Variants in SPTBN1 observed in about 807,000 individuals in gnomAD.
SPTBN1 encodes the protein spectrin beta, non-erythrocytic 1.
A neutral mutation model predicts 266.4 loss-of-function variants in SPTBN1; 32 were observed. The observed-to-expected ratio is 0.12, with a 90% CI of 0.09 to 0.16. The LOEUF (loss-of-function observed/expected upper bound fraction) is 0.16. Ranked by LOEUF, SPTBN1 falls within the 10% of genes least tolerant of loss-of-function variation. SPTBN1 has a pLI of 1.00. For synonymous variants in SPTBN1, 1,336 were observed against 1,162.2 expected, an observed-to-expected ratio of 1.15 and a Z score of -3.04; for missense variants, 2,296 against 3,067.1, an observed-to-expected ratio of 0.75 and a Z score of 5.94.
intron 2 of SPTBN1, among the ~76,000 whole-genome samples, chr2:54,595,074 T>A (rs1439122467): frequency 6.6e-6 from 1 of 152,106 alleles, no homozygotes; most frequent in Admixed American, 6.5e-5. Context: ...CCTCAGGAGA[T>A]CCACCTCTCA....
At chr2:54,595,285 C>T (rs566163307) in intron 2 of SPTBN1, among the ~76,000 whole-genome samples, 4 of 152,276 alleles carry the variant, frequency 2.6e-5, no homozygotes, top group South Asian at 2.1e-4. Context: ...CCTTATAATA[C>T]GTAAGCTTAG....
At chr2:54,574,002 G>A (rs925656292) in intron 2 of SPTBN1, among the ~76,000 whole-genome samples, 2 of 152,078 alleles carry the variant, frequency 1.3e-5, no homozygotes, top group African/African-American at 4.8e-5. Context: ...AACCCCGTAT[G>A]GAAAATACAA....
chr2:54,577,740 C>T (rs1230488929), intron 2 of SPTBN1, among the ~76,000 whole-genome samples: 1 of 152,202 alleles, frequency 6.6e-6, no homozygotes, highest in Non-Finnish European at 1.5e-5. Context: ...GGATTCCAAC[C>T]CACGCAGTGC....
chr2:54,457,544 G>A (rs374362494), intron 1 of SPTBN1, among the ~76,000 whole-genome samples: 1 of 152,180 alleles, frequency 6.6e-6, no homozygotes, highest in Non-Finnish European at 1.5e-5. Flanking sequence ...AATTGAATTC[G>A]GTGGGGTTTA....
intron 2 of SPTBN1, among the ~76,000 whole-genome samples, chr2:54,572,948 C>T (rs936639513): frequency 6.6e-6 from 1 of 152,116 alleles, no homozygotes; most frequent in African/African-American, 2.4e-5. Flanking sequence ...GGAAGGGGCT[C>T]TAGAAGCTGA....
chr2:54,558,701 T>C lies in SPTBN1; in HGVS notation c.148+32135T>C. ...AGGAGCCGAGCGCTGCGGAGGCTGC[T>C]GCGTGTTGGATGGGAGTGGGAGGGG... On this transcript the variant is annotated intron_variant, in intron 2 of 35. Coordinates refer to ENST00000356805, the MANE Select transcript of SPTBN1 (RefSeq NM_003128.3). This position sits in a 1 kb window ranked among gnomAD's most constrained non-coding sequence, Gnocchi z 4.6. The C allele has an allele frequency of 6.4e-7, 1 of 1,555,084 alleles. No homozygotes were observed. The highest frequency in any genetic ancestry group is 8.7e-7 in the Non-Finnish European group (1 of 1,145,878).
At chr2:54,470,163 G>A (rs1693849304) in intron 1 of SPTBN1, among the ~76,000 whole-genome samples, 1 of 152,216 alleles carries the variant, frequency 6.6e-6, no homozygotes, top group African/African-American at 2.4e-5. Flanking sequence ...TTCATAAAAG[G>A]TAAAAGTTTA....
chr2:54,623,546 CAGA>C lies in SPTBN1; in HGVS notation c.1135_1137del (p.Lys379del). On this transcript the variant is annotated inframe_deletion, in exon 10 of 36. Coordinates refer to ENST00000356805, the MANE Select transcript of SPTBN1 (RefSeq NM_003128.3). ...TCAGAGCAAGATGAGGGCCAACAAC[CAGA>C]AGGTCTACATGCCCCGGGAGGGGAA... is the stretch of plus-strand genomic sequence containing the variant. 1 of 1,614,176 alleles carries C rather than the reference CAGA, an allele frequency of 6.2e-7. No homozygotes were observed.
intron 3 of SPTBN1, among the ~76,000 whole-genome samples, chr2:54,604,936 C>A (rs2103737293): frequency 6.6e-6 from 1 of 152,332 alleles, no homozygotes; most frequent in Non-Finnish European, 1.5e-5. Flanking sequence ...GGTATCGACC[C>A]TTGGCCCCAC....
At chr2:54,654,015 C>T (rs536867149) in intron 27 of SPTBN1, among the ~76,000 whole-genome samples, 162 bp downstream of exon 27, 6 of 152,284 alleles carry the variant, frequency 3.9e-5, no homozygotes, top group South Asian at 2.1e-4. Context: ...CTGCTTGCCT[C>T]GTGCACTTGG....
At chr2:54,517,961 TA>T (rs754917992) in intron 1 of SPTBN1, among the ~76,000 whole-genome samples, 5 of 132,614 alleles carry the variant, frequency 3.8e-5, no homozygotes, top group Non-Finnish European at 4.9e-5. Context: ...TTTTTTTTTT[TA>T]AACAGTGGAT....
At position 54,618,422 on chromosome 2, in the gene SPTBN1, C is replaced by A. The variant is rs117920919; in HGVS notation, c.763+229C>A. Among the ~76,000 whole-genome samples, 115 of 152,288 alleles carry A rather than the reference C, an allele frequency of 7.6e-4. 2 individuals carry two copies. The East Asian group carries it at 0.021, about 27-fold the overall frequency. Reference sequence around the variant, plus strand: ...TGAAGGAGAGCGTGTGCGGGCAGAGCTACTAGCATGTGCAAAGGTGCAGAA... The same window carrying A: ...TGAAGGAGAGCGTGTGCGGGCAGAGATACTAGCATGTGCAAAGGTGCAGAA... On this transcript the variant is annotated intron_variant, in intron 7 of 35. Transcript: ENST00000356805.
Position 54,669,964 on chromosome 2 carries a change from G to A in SPTBN1, c.*1395G>A, listed in dbSNP as rs980362093. 4 of 152,208 alleles carry A rather than the reference G, an allele frequency of 2.6e-5. No homozygotes were observed. Among genetic ancestry groups the A allele is most frequent in the Admixed American group, 1.3e-4 (2 of 15,282 alleles). 9.4% of individuals were successfully genotyped at this position (152,208 alleles called of 1,614,324 possible). A position where few individuals can be genotyped will look rare whatever the true frequency, so the allele number is the denominator to read the frequency against. On this transcript the variant is annotated 3_prime_UTR_variant, in exon 36 of 36. Transcript: ENST00000356805. The stretch of plus-strand genomic sequence containing the variant: ...GGTTGGCAAATTTGTTCTGTAAAGG[G>A]ACAGAGATAGTAAATATTTTAGGCT...
intron 16 of SPTBN1, among the ~76,000 whole-genome samples, chr2:54,632,348 GA>G (rs1260225565): frequency 6.6e-6 from 1 of 151,198 alleles, no homozygotes; most frequent in Non-Finnish European, 1.5e-5. Flanking sequence ...ACTCTCTTTG[GA>G]AAAAAAAATT....
At chr2:54,580,246 T>C (rs1391514844) in intron 2 of SPTBN1, among the ~76,000 whole-genome samples, 3 of 152,210 alleles carry the variant, frequency 2.0e-5, no homozygotes, top group Non-Finnish European at 4.4e-5. Context: ...ACTTTACTGT[T>C]ACATAGGGAG....
chr2:54,625,589 T>C (rs188529784), intron 11 of SPTBN1, among the ~76,000 whole-genome samples: 18 of 152,106 alleles, frequency 1.2e-4, no homozygotes, highest in Admixed American at 8.5e-4. Flanking sequence ...TTTTTTGGTT[T>C]TGTTTTTGTT....
chr2:54,522,697 G>GAGAGAGAGAGAGAAAGAGAA (rs1553439438), intron 1 of SPTBN1, among the ~76,000 whole-genome samples: 166 of 97,302 alleles, frequency 1.7e-3, no homozygotes, highest in East Asian at 7.6e-3. Flanking sequence ...GAGAGAGAGA[G>GAGAGAGAGAGAGAAAGAGAA]AGAAAGAAAG....
intron 2 of SPTBN1, among the ~76,000 whole-genome samples, chr2:54,532,104 G>A (rs1384271250): frequency 6.6e-6 from 1 of 152,096 alleles, no homozygotes; most frequent in East Asian, 1.9e-4. Context: ...CCTGGCCAAC[G>A]TAGCGAAACC....
intron 24 of SPTBN1, among the ~76,000 whole-genome samples, chr2:54,648,020 A>C (rs1680031303): frequency 6.6e-6 from 1 of 152,218 alleles, no homozygotes; most frequent in African/African-American, 2.4e-5. Flanking sequence ...AGGAAGAACA[A>C]AGTGATAACA....
Sources: allele counts gnomAD v4.1 joint callset (sites outside exome capture counted in the v4.1 genomes callset), GRCh38; gene constraint gnomAD v4.1.1; non-coding constraint Gnocchi (gnomAD v3.1); transcripts MANE v1.5; gene names NCBI Gene and HGNC (gene_info 2026-07-23, HGNC 2026-07-21).